The following IFT43 variants were observed in gnomAD, a reference collection of about 807,000 sequenced individuals.
The protein encoded by IFT43 is intraflagellar transport 43, also known as intraflagellar transport protein 43 homolog.
In IFT43, 33 loss-of-function variants were observed where a neutral mutation model predicts 32.3. That is an observed-to-expected ratio of 1.02 (90% CI 0.77 to 1.37). The LOEUF is 1.37. Among genes scored for constraint, IFT43 ranks in the 40% most tolerant of loss-of-function variants. The pLI is 0.00. For missense variants in IFT43, 274 were observed against 265.9 expected (o/e 1.03, Z -0.21); for synonymous variants, 93 against 98.2 (o/e 0.95, Z 0.31).
chr14:76,008,789 C>T (rs775419165), intron 2 of IFT43, among the ~76,000 whole-genome samples: 1 of 152,240 alleles, frequency 6.6e-6, no homozygotes, highest in African/African-American at 2.4e-5. Context: ...AAGATTTATA[C>T]TGAATGCAGC....
chr14:76,059,106 G>A (rs956565322), intron 4 of IFT43: 1 of 1,460,576 alleles, frequency 6.8e-7, no homozygotes, highest in Non-Finnish European at 9.0e-7. Context: ...TCATGTCATA[G>A]CCTCTGTGAT....
chr14:76,008,519 A>T (rs991387128), intron 2 of IFT43, among the ~76,000 whole-genome samples: 4 of 152,180 alleles, frequency 2.6e-5, no homozygotes, highest in African/African-American at 9.6e-5. Flanking sequence ...AAGGAGGCTC[A>T]GTGGAGATAT....
chr14:76,020,012 G>C (rs749173449), intron 2 of IFT43, among the ~76,000 whole-genome samples: 3 of 151,522 alleles, frequency 2.0e-5, no homozygotes, highest in Admixed American at 2.0e-4. Context: ...ATCTCTCCCT[G>C]TTGCCAGGCT....
At chr14:75,999,277 ATATATTTTTTTTTT>A (rs2035835742) in intron 2 of IFT43, among the ~76,000 whole-genome samples, 11 of 18,700 alleles carry the variant, frequency 5.9e-4, no homozygotes, top group African/African-American at 2.0e-3. Flanking sequence ...ATATATGTAT[ATATATTTTTTTTTT>A]TTTTTTTTTA....
chr14:76,067,591 A>G (rs78825673), intron 5 of IFT43, among the ~76,000 whole-genome samples: 1 of 151,888 alleles, frequency 6.6e-6, no homozygotes, highest in Non-Finnish European at 1.5e-5. Flanking sequence ...AAAAAAAAAA[A>G]AGAGAGAAGG....
intron 3 of IFT43, among the ~76,000 whole-genome samples, chr14:76,031,543 T>C (rs1230510201): frequency 6.6e-6 from 1 of 152,238 alleles, no homozygotes; most frequent in Admixed American, 6.5e-5. Flanking sequence ...GTGAATCTTA[T>C]GGAGGAGCTT....
chr14:76,031,452 T>G (rs2036508751), intron 3 of IFT43, among the ~76,000 whole-genome samples: 1 of 152,222 alleles, frequency 6.6e-6, no homozygotes, highest in Non-Finnish European at 1.5e-5. Context: ...CATGCTGTTT[T>G]ACTTATAGAC....
intron 3 of IFT43, among the ~76,000 whole-genome samples, chr14:76,022,799 A>G (rs1267366518): frequency 6.6e-6 from 1 of 152,176 alleles, no homozygotes; most frequent in African/African-American, 2.4e-5. Flanking sequence ...AATGTTTTCA[A>G]AGTTTATCCA....
intron 2 of IFT43, among the ~76,000 whole-genome samples, chr14:76,010,471 C>A (rs1014391768): frequency 1.3e-5 from 2 of 152,046 alleles, no homozygotes; most frequent in South Asian, 4.2e-4. Context: ...ATGAGAAACA[C>A]CCAGAAAAGT....
At chr14:76,058,060 G>A (rs973002544) in intron 3 of IFT43, 2 of 157,948 alleles carry the variant, frequency 1.3e-5, no homozygotes, top group Admixed American at 1.2e-4. Flanking sequence ...AGGCCCCGCG[G>A]ATGGTTCTTA....
At chr14:75,986,768 T>G (rs980925477) in intron 1 of IFT43, among the ~76,000 whole-genome samples, 3 of 152,220 alleles carry the variant, frequency 2.0e-5, no homozygotes, top group Non-Finnish European at 2.9e-5. Context: ...TACTAAAAGA[T>G]TGGGCCCCAG....
chr14:76,002,310 C>T (rs1014100428), intron 2 of IFT43, among the ~76,000 whole-genome samples: 1 of 151,834 alleles, frequency 6.6e-6, no homozygotes, highest in African/African-American at 2.4e-5. Flanking sequence ...TAAATTTCAA[C>T]CCAAGTTTAG....
chr14:76,073,601 A>C (rs113947738), intron 5 of IFT43, among the ~76,000 whole-genome samples: 1 of 152,136 alleles, frequency 6.6e-6, no homozygotes, highest in African/African-American at 2.4e-5. Flanking sequence ...ATGTGCACAC[A>C]TCTCTGTGTG....
intron 3 of IFT43, among the ~76,000 whole-genome samples, chr14:76,035,996 T>C (rs559332141): frequency 4.6e-5 from 7 of 152,336 alleles, no homozygotes; most frequent in African/African-American, 1.7e-4. Flanking sequence ...AAGATATACC[T>C]ATGGATGTGA....
chr14:76,051,188 T>G (rs1361957338), intron 3 of IFT43, among the ~76,000 whole-genome samples: 1 of 148,482 alleles, frequency 6.7e-6, no homozygotes, highest in Non-Finnish European at 1.5e-5. Flanking sequence ...CCTGCCTGTT[T>G]TAAAAGAAGG....
intron 2 of IFT43, among the ~76,000 whole-genome samples, chr14:76,015,354 C>T (rs1000338126): frequency 6.6e-6 from 1 of 152,190 alleles, no homozygotes; most frequent in Admixed American, 6.5e-5. Flanking sequence ...CCCTCCTCCT[C>T]TCCCCTCTGC....
chr14:76,027,398 CT>C (rs1015046378), intron 3 of IFT43, among the ~76,000 whole-genome samples: 24 of 149,452 alleles, frequency 1.6e-4, no homozygotes, highest in Admixed American at 1.6e-3. Context: ...CATTTCACCC[CT>C]AAATACTTTA....
At chr14:76,007,506 G>A (rs1841532579) in intron 2 of IFT43, among the ~76,000 whole-genome samples, 1 of 152,128 alleles carries the variant, frequency 6.6e-6, no homozygotes. Flanking sequence ...CTCTCAGCTT[G>A]TTCCAAGTCA....
chr14:76,041,880 T>G (rs2036713941), intron 3 of IFT43, among the ~76,000 whole-genome samples: 1 of 152,230 alleles, frequency 6.6e-6, no homozygotes, highest in Non-Finnish European at 1.5e-5. Context: ...TACTGCTCCA[T>G]GATAATCCCG....
Sources: gnomAD v4.1 joint callset for allele counts (sites outside exome capture counted in the v4.1 genomes callset) on GRCh38, gnomAD v4.1.1 for gene constraint, MANE v1.5 for transcripts, NCBI Gene and HGNC (gene_info 2026-07-23, HGNC 2026-07-21) for gene names.